Variants in VPS13B observed in about 807,000 individuals in gnomAD.
The protein encoded by VPS13B is vacuolar protein sorting 13 homolog B.
A neutral mutation model predicts 426.4 loss-of-function variants in VPS13B; 285 were observed. The observed-to-expected ratio is 0.67, with a 90% CI of 0.61 to 0.74. The LOEUF is 0.74. Among genes scored for constraint, VPS13B ranks in the 30% least tolerant of loss-of-function variants. The pLI, the probability that VPS13B is intolerant of heterozygous loss-of-function variation, is 0.00. For synonymous variants in VPS13B, 1,676 were observed against 1,676.4 expected (o/e 1.00, Z 0.01); for missense variants, 4,537 against 4,782.6 (o/e 0.95, Z 1.51).
intron 2 of VPS13B, among the ~76,000 whole-genome samples, chr8:99,026,289 G>A (rs909737585): frequency 6.6e-6 from 1 of 152,096 alleles, no homozygotes; most frequent in Non-Finnish European, 1.5e-5. Flanking sequence ...TAATTTTCGT[G>A]TATTTGTACA....
intron 5 of VPS13B, among the ~76,000 whole-genome samples, chr8:99,109,272 T>C (rs1488783814): frequency 6.6e-6 from 1 of 152,182 alleles, no homozygotes; most frequent in East Asian, 1.9e-4. Context: ...GTTGCTGTTA[T>C]ATTTTGTGTT....
chr8:99,366,769 G>T (rs1478792828), intron 19 of VPS13B, among the ~76,000 whole-genome samples: 1 of 151,078 alleles, frequency 6.6e-6, no homozygotes, highest in East Asian at 1.9e-4. Context: ...TATGTTTTTT[G>T]ATTTAATGTT....
At chr8:99,452,665 G>A (rs1818256685) in intron 23 of VPS13B, among the ~76,000 whole-genome samples, 1 of 152,144 alleles carries the variant, frequency 6.6e-6, no homozygotes, top group Non-Finnish European at 1.5e-5. Flanking sequence ...TGAAAAAAAG[G>A]GGGGAAAAAG....
chr8:99,173,067 C>T (rs937748076), intron 16 of VPS13B, among the ~76,000 whole-genome samples: 3 of 152,036 alleles, frequency 2.0e-5, no homozygotes, highest in African/African-American at 7.2e-5. Context: ...TGTGTGAAAA[C>T]ACATATTTCT....
In VPS13B at chr8:99,156,582, C is replaced by G; in HGVS notation, c.2047C>G (p.Gln683Glu). 1 of 1,614,078 alleles carries G rather than the reference C, an allele frequency of 6.2e-7. No individual in the cohort carries two copies. The highest frequency in any genetic ancestry group is 8.5e-7 in the Non-Finnish European group (1 of 1,179,922). ...SSNFMNTTNF[Q>E]SLRPLPSIRI... is the part of the protein sequence containing the mutation. Reference sequence around the variant, plus strand: ...TAACTTCATGAATACTACAAACTTCCAGTCTCTTCGGCCTTTGCCATCCAT... The same window carrying G: ...TAACTTCATGAATACTACAAACTTCGAGTCTCTTCGGCCTTTGCCATCCAT... Residue 683 changes from glutamine to glutamate, a missense_variant, in exon 15 of 62, where the codon CAG becomes GAG. Transcript: ENST00000357162.
intron 39 of VPS13B, among the ~76,000 whole-genome samples, chr8:99,763,861 C>T (rs927413162): frequency 6.6e-6 from 1 of 152,226 alleles, no homozygotes; most frequent in Non-Finnish European, 1.5e-5. Context: ...CATTTACCCT[C>T]TTCCGCATAT....
chr8:99,835,041 A>T (rs184465164), intron 52 of VPS13B, among the ~76,000 whole-genome samples, 156 bp from the exon 53 acceptor site: 72 of 152,326 alleles, frequency 4.7e-4, no homozygotes, highest in Non-Finnish European at 9.6e-4. Flanking sequence ...AATATTATAA[A>T]TATGTTACTG....
At chr8:99,192,796 T>C in intron 16 of VPS13B, 80 bp from the exon 17 acceptor site, 1 of 1,518,780 alleles carries the variant, frequency 6.6e-7, no homozygotes, top group Non-Finnish European at 9.0e-7. Context: ...CTTTCTTCCC[T>C]TGCAACCTAA....
In VPS13B at chr8:99,766,782, T is replaced by C. The variant is rs1048602429; in HGVS notation, c.7059T>C (p.Cys2353=). 5 of 1,613,462 alleles carry C rather than the reference T, an allele frequency of 3.1e-6. No individual in the cohort carries two copies. Among genetic ancestry groups the C allele is most frequent in the Middle Eastern group, 1.6e-4 (1 of 6,076 alleles). Residue 2353 remains cysteine, a synonymous_variant, in exon 40 of 62, where the codon TGT becomes TGC. Transcript: ENST00000357162. ...TTTTTATTTTAACATAGGTTCCTTG[T>C]AGCTTGGAATACTGGGATGAACTCC... is the stretch of plus-strand genomic sequence containing the variant. ...ADLGDVLQVP[C]SLEYWDELQK...
At chr8:99,671,122 T>G (rs1423504196) in intron 35 of VPS13B, among the ~76,000 whole-genome samples, 1 of 152,178 alleles carries the variant, frequency 6.6e-6, no homozygotes, top group African/African-American at 2.4e-5. Context: ...AGGATTTCCT[T>G]TTCTCCACAT....
chr8:99,231,278 TC>T (rs1256242257), intron 17 of VPS13B, among the ~76,000 whole-genome samples: 65 of 152,122 alleles, frequency 4.3e-4, no homozygotes, highest in African/African-American at 1.5e-3. Flanking sequence ...TTTTTTTTTT[TC>T]TTGTTAGCTG....
chr8:99,352,941 TAAG>T (rs1349777843), intron 19 of VPS13B, among the ~76,000 whole-genome samples: 3 of 152,172 alleles, frequency 2.0e-5, no homozygotes, highest in Non-Finnish European at 4.4e-5. Context: ...TTCCAGACTT[TAAG>T]TTCTAATGAA....
chr8:99,617,911 A>G (rs1018774137), intron 33 of VPS13B, among the ~76,000 whole-genome samples: 5 of 152,172 alleles, frequency 3.3e-5, no homozygotes, highest in African/African-American at 1.2e-4. Flanking sequence ...TGTATTGGTT[A>G]TCAACCTCAT....
chr8:99,696,344 T>C (rs1832001401), intron 35 of VPS13B: 1 of 272,942 alleles, frequency 3.7e-6, no homozygotes, highest in Non-Finnish European at 7.3e-6. Context: ...CTGGATGAGC[T>C]GAAGCGCTAC....
chr8:99,647,530 G>T (rs1448107687), intron 34 of VPS13B, among the ~76,000 whole-genome samples: 1 of 139,822 alleles, frequency 7.2e-6, no homozygotes, highest in Non-Finnish European at 1.5e-5. Flanking sequence ...AGTGAGCCGA[G>T]ATCACACCAT....
At chr8:99,607,993 T>C (rs72674679) in intron 33 of VPS13B, among the ~76,000 whole-genome samples, 20,622 of 152,064 alleles carry the variant, frequency 0.14, 1,950 homozygotes, top group East Asian at 0.38. Flanking sequence ...CAGTCTGTTG[T>C]AATATTTGTT....
At chr8:99,647,746 C>T (rs556258436) in intron 34 of VPS13B, among the ~76,000 whole-genome samples, 74 of 152,076 alleles carry the variant, frequency 4.9e-4, no homozygotes, top group African/African-American at 1.6e-3. Flanking sequence ...ACACAGATAA[C>T]GCTGGTTATC....
At chr8:99,232,625 G>A (rs951749201) in intron 17 of VPS13B, among the ~76,000 whole-genome samples, 2 of 152,154 alleles carry the variant, frequency 1.3e-5, no homozygotes, top group African/African-American at 2.4e-5. Flanking sequence ...CGCAGGCCAC[G>A]TATCTTACCA....
intron 17 of VPS13B, among the ~76,000 whole-genome samples, chr8:99,195,333 T>A (rs891076840): frequency 2.0e-5 from 3 of 152,228 alleles, no homozygotes; most frequent in Admixed American, 2.0e-4. Context: ...GAACCATTTA[T>A]ATGTTGGCCG....
Sources: allele counts gnomAD v4.1 joint callset (sites outside exome capture counted in the v4.1 genomes callset), GRCh38; gene constraint gnomAD v4.1.1; transcripts MANE v1.5; gene names NCBI Gene and HGNC (gene_info 2026-07-23, HGNC 2026-07-21).